RAB27A: variants seen among roughly 807,000 people sequenced by gnomAD.
RAB27A encodes the protein RAB27A, member RAS oncogene family.
A neutral mutation model predicts 20.8 loss-of-function variants in RAB27A; 17 were observed. The observed-to-expected ratio is 0.82, with a 90% CI of 0.56 to 1.23. The LOEUF (loss-of-function observed/expected upper bound fraction) is 1.23, where lower values mean the gene tolerates loss of function less well. Ranked by LOEUF, RAB27A falls within the 50% of genes most tolerant of loss-of-function variation. The pLI is 0.00. For missense variants in RAB27A, 277 were observed against 266.7 expected, an observed-to-expected ratio of 1.04 and a Z score of -0.27; for synonymous variants, 85 against 92.8, an observed-to-expected ratio of 0.92 and a Z score of 0.48.
chr15:55,278,764 G>A (rs1440497238), intron 1 of RAB27A, among the ~76,000 whole-genome samples: 2 of 152,158 alleles, frequency 1.3e-5, no homozygotes, highest in Non-Finnish European at 2.9e-5. Flanking sequence ...TTACAGGCGT[G>A]AGCCACCGCA....
At chr15:55,239,228 T>C (rs536262484) in intron 2 of RAB27A, among the ~76,000 whole-genome samples, 3 of 152,336 alleles carry the variant, frequency 2.0e-5, no homozygotes, top group African/African-American at 4.8e-5. Context: ...TTGATAACTA[T>C]AGTTATCTGT....
rs907512396 is a variant in RAB27A at position 55,203,370 on chromosome 15, T to C, written c.*2137A>G. 3 of 151,902 alleles carry C rather than the reference T, an allele frequency of 2.0e-5. No individual in the cohort carries two copies. The highest frequency in any genetic ancestry group is 4.4e-5 in the Non-Finnish European group (3 of 68,012). The allele number at this position is 151,902 out of a possible 1,614,324, so 9.4% of individuals were successfully genotyped here. A position where few individuals can be genotyped will look rare whatever the true frequency, so the allele number is the denominator to read the frequency against. On this transcript the variant is annotated 3_prime_UTR_variant, in exon 7 of 7. Transcript: ENST00000336787. Reference sequence around the variant, plus strand: ...TATGTTGTACTGCACTGAAGTCTTATGGCAACTATATAAGGCACTGCTGTG... The same window carrying C: ...TATGTTGTACTGCACTGAAGTCTTACGGCAACTATATAAGGCACTGCTGTG...
chr15:55,302,266 G>A (rs2054975425), intron 2 of RAB27A, among the ~76,000 whole-genome samples: 1 of 152,056 alleles, frequency 6.6e-6, no homozygotes, highest in South Asian at 2.1e-4. Flanking sequence ...GTGGAGACGG[G>A]GTTTCGCTGT....
intron 2 of RAB27A, among the ~76,000 whole-genome samples, chr15:55,263,711 C>G (rs1897356916): frequency 1.3e-5 from 2 of 152,280 alleles, no homozygotes; most frequent in East Asian, 3.9e-4. Flanking sequence ...AAGCCGAACC[C>G]AAATTTCTGA....
At chr15:55,253,822 A>G (rs945679738) in intron 2 of RAB27A, among the ~76,000 whole-genome samples, 9 of 152,214 alleles carry the variant, frequency 5.9e-5, no homozygotes, top group African/African-American at 1.9e-4. Context: ...CAAAGAGACT[A>G]TGAATCAGCA....
intron 2 of RAB27A, among the ~76,000 whole-genome samples, chr15:55,261,907 T>G (rs545155934): frequency 6.6e-6 from 1 of 151,014 alleles, no homozygotes; most frequent in African/African-American, 2.4e-5. Flanking sequence ...CATGGTGGCA[T>G]GCACCTGTAA....
chr15:55,282,909 A>T (rs1898053220), intron 1 of RAB27A, among the ~76,000 whole-genome samples: 2 of 132,568 alleles, frequency 1.5e-5, no homozygotes. Context: ...TCCCGTGTGG[A>T]GACAATAAAT....
At chr15:55,277,424 C>G (rs904461021) in intron 1 of RAB27A, among the ~76,000 whole-genome samples, 1 of 152,154 alleles carries the variant, frequency 6.6e-6, no homozygotes, top group Non-Finnish European at 1.5e-5. Context: ...GGGCAGGTCA[C>G]TTGAGGCCAG....
intron 1 of RAB27A, among the ~76,000 whole-genome samples, chr15:55,275,207 G>T (rs1482508240): frequency 1.3e-5 from 2 of 151,382 alleles, no homozygotes; most frequent in Admixed American, 6.6e-5. Flanking sequence ...AGTCGAGATT[G>T]CTCCATTGCA....
intron 2 of RAB27A, among the ~76,000 whole-genome samples, chr15:55,263,795 A>G (rs768302701): frequency 1.3e-5 from 2 of 152,230 alleles, no homozygotes; most frequent in Non-Finnish European, 2.9e-5. Flanking sequence ...TAATTGTCCT[A>G]AAGTCTGTAT....
At chr15:55,315,412 G>A (rs2055038544) in intron 1 of RAB27A, among the ~76,000 whole-genome samples, 1 of 152,156 alleles carries the variant, frequency 6.6e-6, no homozygotes, top group Non-Finnish European at 1.5e-5. Flanking sequence ...ATCGACAAAT[G>A]GGATCTAATT....
intron 5 of RAB27A, among the ~76,000 whole-genome samples, chr15:55,225,020 G>C (rs1017823051): frequency 1.3e-5 from 2 of 152,224 alleles, no homozygotes; most frequent in Non-Finnish European, 2.9e-5. Flanking sequence ...GGGGTAATAA[G>C]ACCTACAGAG....
At chr15:55,317,071 C>G (rs918000690) in intron 1 of RAB27A, 5 of 152,112 alleles carry the variant, frequency 3.3e-5, no homozygotes, top group Admixed American at 1.3e-4. Flanking sequence ...AAATAAACCT[C>G]AAGTAGAAAA....
chr15:55,292,073 G>C (rs114607522), upstream of RAB27A, among the ~76,000 whole-genome samples: 1,256 of 152,250 alleles, frequency 8.2e-3, 15 homozygotes, highest in African/African-American at 0.026. Flanking sequence ...GGAGCAACAG[G>C]AAGAGGTTCA....
chr15:55,315,062 G>C (rs2055037081), intron 1 of RAB27A, among the ~76,000 whole-genome samples: 5 of 152,152 alleles, frequency 3.3e-5, no homozygotes, highest in Admixed American at 3.3e-4. Flanking sequence ...TACCAAAACA[G>C]AGACATAGAC....
At chr15:55,239,510 G>A (rs1358861210) in intron 2 of RAB27A, among the ~76,000 whole-genome samples, 1 of 152,116 alleles carries the variant, frequency 6.6e-6, no homozygotes, top group African/African-American at 2.4e-5. Context: ...GCATGTATGT[G>A]TTCGAGTACA....
At position 55,300,398 on chromosome 15, in the gene RAB27A, G is replaced by A. The variant is rs550944568; in HGVS notation, c.-112+13641C>T. 2.2e-3 allele frequency among the ~76,000 whole-genome samples: 339 copies of A among 152,200 alleles called. 3 individuals are homozygous for A. In the Middle Eastern group the frequency reaches 0.034, roughly 15 times the overall value. The stretch of plus-strand genomic sequence containing the variant: ...AGGAAAGACAAAAGGGGTGTTTCTT[G>A]GCCAGGCTTCATGGCTCACACCTGT... On this transcript the variant is annotated intron_variant, in intron 2 of 5. Coordinates refer to the RAB27A transcript ENST00000563262.
At chr15:55,274,047 T>G (rs993235707) in intron 1 of RAB27A, among the ~76,000 whole-genome samples, 8 of 152,190 alleles carry the variant, frequency 5.3e-5, no homozygotes, top group Admixed American at 4.6e-4. Flanking sequence ...ATATTAATTA[T>G]CTTTTCTGAC....
chr15:55,286,882 G>C lies in RAB27A; in HGVS notation c.-143+2834C>G, dbSNP rs192008178. On this transcript the variant is annotated intron_variant, in intron 1 of 6. Coordinates refer to ENST00000336787, the MANE Select transcript of RAB27A (RefSeq NM_183235.3). ...GAACTTGGTGGAAGCAGCAGAAGTGGTGAGAAATGGTTATCATCCTAGATG... is the reference window on the plus strand; with the variant it reads ...GAACTTGGTGGAAGCAGCAGAAGTGCTGAGAAATGGTTATCATCCTAGATG... Among the ~76,000 whole-genome samples, 119 of 151,140 alleles carry C rather than the reference G, an allele frequency of 7.9e-4. 4 individuals are homozygous for C. The highest frequency in any genetic ancestry group is 6.3e-3 in the Admixed American group (96 of 15,146).
Sources: gnomAD v4.1 joint callset for allele counts (sites outside exome capture counted in the v4.1 genomes callset) on GRCh38, gnomAD v4.1.1 for gene constraint, MANE v1.5 for transcripts, NCBI Gene and HGNC (gene_info 2026-07-23, HGNC 2026-07-21) for gene names.